COL5A1: variants seen among roughly 807,000 people sequenced by gnomAD.
The protein encoded by COL5A1 is collagen type V alpha 1 chain, also known as collagen alpha-1(V) chain.
Under a neutral mutation model 263.7 loss-of-function variants are expected in COL5A1, and 16 were observed. The ratio of observed to expected loss-of-function variants is 0.06; its 90% CI spans 0.04 to 0.09. The LOEUF is 0.09. Ranked by LOEUF, COL5A1 falls within the 10% of genes least tolerant of loss-of-function variation. The pLI is 1.00. For missense variants in COL5A1, 2,036 were observed against 2,540.5 expected, an observed-to-expected ratio of 0.80 and a Z score of 4.27; for synonymous variants, 1,012 against 1,004.5, an observed-to-expected ratio of 1.01 and a Z score of -0.14.
At chr9:134,828,099 TG>T (rs1839368264) in intron 63 of COL5A1, among the ~76,000 whole-genome samples, 1 of 152,148 alleles carries the variant, frequency 6.6e-6, no homozygotes, top group Non-Finnish European at 1.5e-5. Flanking sequence ...AGGCCGGCCC[TG>T]GGGGCCCTTC....
At chr9:134,645,292 G>T (rs1831440536) in intron 1 of COL5A1, among the ~76,000 whole-genome samples, 1 of 152,208 alleles carries the variant, frequency 6.6e-6, no homozygotes, top group Non-Finnish European at 1.5e-5. Context: ...AGCTGGTGCT[G>T]CCCGTCCCGC....
Position 134,747,913 on chromosome 9 carries a change from GCACACATGCATTCATA to G in COL5A1, c.1495-2608_1495-2593del, listed in dbSNP as rs1160754046. Among the ~76,000 whole-genome samples, 404 of 103,824 alleles carry G rather than the reference GCACACATGCATTCATA, an allele frequency of 3.9e-3. 7 individuals carry two copies. Among genetic ancestry groups the G allele is most frequent in the Middle Eastern group, 0.018 (2 of 112 alleles). The allele number at this position is 103,824 out of a possible 152,430, so 68.1% of individuals were successfully genotyped here. On this transcript the variant is annotated intron_variant, in intron 11 of 65. Coordinates refer to ENST00000371817, the MANE Select transcript of COL5A1 (RefSeq NM_000093.5). ...CATTCATACACACATGCAGACACAT[GCACACATGCATTCATA>G]CACACATGCATTCATACACATGCAG...
rs1835342645 is a variant in COL5A1 at position 134,742,629 on chromosome 9, A to G, written c.1494+3821A>G. Among the ~76,000 whole-genome samples the G allele has an allele frequency of 6.6e-6, 1 of 152,226 alleles. No individual in the cohort carries two copies. Among genetic ancestry groups the G allele is most frequent in the South Asian group, 2.1e-4 (1 of 4,834 alleles). On this transcript the variant is annotated intron_variant, in intron 11 of 65. Transcript: ENST00000371817. The surrounding 1 kb of genome is among the most constrained non-coding windows in gnomAD (Gnocchi z 4.6). ...AGCTGGGAGTCCCCAAGTGAGCTGC[A>G]GGCCAGGTGGCCGTTACTCAGCCCC...
At position 134,677,590 on chromosome 9, in the gene COL5A1, C is replaced by A. The variant is rs1832716227; in HGVS notation, c.110-13322C>A. 6.6e-6 allele frequency among the ~76,000 whole-genome samples: 1 copy of A among 152,170 alleles called. No individual in the cohort carries two copies. The highest frequency in any genetic ancestry group is 2.1e-4 in the South Asian group (1 of 4,830). ...ATCTTCGGGGTGATGACATTCCTTC[C>A]CCCATCACTCCTTGGCACAGCCACC... On this transcript the variant is annotated intron_variant, in intron 1 of 65. Coordinates refer to ENST00000371817, the MANE Select transcript of COL5A1 (RefSeq NM_000093.5). This position sits in a 1 kb window ranked among gnomAD's most constrained non-coding sequence, Gnocchi z 4.4.
chr9:134,718,015 C>T (rs555072092), intron 4 of COL5A1, among the ~76,000 whole-genome samples: 7 of 152,168 alleles, frequency 4.6e-5, no homozygotes, highest in South Asian at 2.1e-4. Context: ...GCTGGGGGGC[C>T]GCGGCCACGG....
intron 4 of COL5A1, among the ~76,000 whole-genome samples, chr9:134,702,777 C>G (rs1049592162): frequency 6.6e-6 from 1 of 152,124 alleles, no homozygotes; most frequent in African/African-American, 2.4e-5. Flanking sequence ...TGGGCTCTGT[C>G]GATTGTTGGA....
At position 134,841,659 on chromosome 9, in the gene COL5A1, G is replaced by A. The variant is rs1244945215; in HGVS notation, c.5371-498G>A. ...GGCAGTGTGTGGCAGGTGGTCGTAG[G>A]GGGGTCTTACTTGGCTCAAGGCTCT... On this transcript the variant is annotated intron_variant, in intron 65 of 65. Coordinates refer to ENST00000371817, the MANE Select transcript of COL5A1 (RefSeq NM_000093.5). This position sits in a 1 kb window ranked among gnomAD's most constrained non-coding sequence, Gnocchi z 4.8. Among the ~76,000 whole-genome samples, 1 of 152,100 alleles carries A rather than the reference G, an allele frequency of 6.6e-6. No individual in the cohort carries two copies. The highest frequency in any genetic ancestry group is 6.5e-5 in the Admixed American group (1 of 15,274).
At chr9:134,819,185 G>A in intron 57 of COL5A1, 132 bp downstream of exon 57, 1 of 980,410 alleles carries the variant, frequency 1.0e-6, no homozygotes, top group Non-Finnish European at 1.6e-6. Context: ...TGGTGGTGGG[G>A]AACCTGAGGG....
rs772393150 is a variant in COL5A1, at chr9:134,782,599, G to A, written c.2431-68G>A. On this transcript the variant is annotated intron_variant, in intron 28 of 65. Transcript: ENST00000371817. ...GGTGCTGAGTGTGGTTGTTTGGAGCGGGGAAGGGACCGCCAGGGAGGCGGG... is the reference window on the plus strand; with the variant it reads ...GGTGCTGAGTGTGGTTGTTTGGAGCAGGGAAGGGACCGCCAGGGAGGCGGG... 1.5e-5 allele frequency: 22 copies of A among 1,444,806 alleles called. No homozygotes were observed. In the Admixed American group the frequency reaches 1.7e-4, roughly 11 times the overall value. The allele number at this position is 1,444,806 out of a possible 1,614,324, so 89.5% of individuals were successfully genotyped here.
chr9:134,742,867 T>C lies in COL5A1; in HGVS notation c.1494+4059T>C, dbSNP rs559802912. ...AGCAGTGTTTGCCCAGCGAAGCCCT[T>C]CCCTGGGCTCCTCGGGCAGGTGGGG... is the stretch of plus-strand genomic sequence containing the variant. On this transcript the variant is annotated intron_variant, in intron 11 of 65. Transcript: ENST00000371817. The surrounding 1 kb of genome is among the most constrained non-coding windows in gnomAD (Gnocchi z 4.6). Among the ~76,000 whole-genome samples the C allele has an allele frequency of 5.9e-5, 9 of 152,302 alleles. No individual in the cohort carries two copies. The South Asian group carries it at 1.9e-3, about 32-fold the overall frequency.
At chr9:134,748,398 C>T (rs1323888696) in intron 11 of COL5A1, among the ~76,000 whole-genome samples, 3 of 152,182 alleles carry the variant, frequency 2.0e-5, no homozygotes, top group Non-Finnish European at 2.9e-5. Context: ...CACACATACA[C>T]TTACATCCAC....
At chr9:134,831,183 C>T (rs1386319407) in intron 64 of COL5A1, among the ~76,000 whole-genome samples, 1 of 152,230 alleles carries the variant, frequency 6.6e-6, no homozygotes, top group Non-Finnish European at 1.5e-5. Context: ...GAGCACTGGC[C>T]CTGAGCCGCC....
At chr9:134,759,846 AC>A (rs1200528992) in intron 18 of COL5A1, among the ~76,000 whole-genome samples, 1 of 44,096 alleles carries the variant, frequency 2.3e-5, no homozygotes, top group African/African-American at 1.5e-4. Flanking sequence ...ACTCACGCAC[AC>A]CCCCACACCC....
At chr9:134,825,944 C>T (rs779059159) in intron 63 of COL5A1, 40 bp downstream of exon 63, 15 of 1,373,390 alleles carry the variant, frequency 1.1e-5, no homozygotes, top group East Asian at 6.9e-5. Flanking sequence ...GCGGGGCAGG[C>T]GTCACAGACA....
Position 134,641,924 on chromosome 9 carries a change from A to T in COL5A1, c.-264A>T. ...GAGAAGGAGTTGGAGGAGGAGGAGG[A>T]GGAGGCGAGGGCGAGCTAGCCCAGC... On this transcript the variant is annotated 5_prime_UTR_variant, in exon 1 of 66. Transcript: ENST00000371817. 1 of 383,880 alleles carries T rather than the reference A, an allele frequency of 2.6e-6. No individual in the cohort carries two copies. The highest frequency in any genetic ancestry group is 4.6e-6 in the Non-Finnish European group (1 of 216,982). 23.8% of individuals were successfully genotyped at this position (383,880 alleles called of 1,614,324 possible).
rs916840502 is a variant in COL5A1 at position 134,733,382 on chromosome 9, C to A, written c.1389+1255C>A. Among the ~76,000 whole-genome samples the A allele has an allele frequency of 5.9e-5, 9 of 152,196 alleles. 1 individual carries two copies. In the South Asian group the frequency reaches 1.4e-3, roughly 24 times the overall value. On this transcript the variant is annotated intron_variant, in intron 9 of 65. Transcript: ENST00000371817. ...GTCCAGGGCTTCACCCCTTCCTGGCCTATGGAAGCGTCTGGATGGCTCTTG... is the reference window on the plus strand; with the variant it reads ...GTCCAGGGCTTCACCCCTTCCTGGCATATGGAAGCGTCTGGATGGCTCTTG...
chr9:134,712,732 TTTCCTGCCCC>T (rs1834110679), intron 4 of COL5A1, among the ~76,000 whole-genome samples: 1 of 148,570 alleles, frequency 6.7e-6, no homozygotes, highest in Non-Finnish European at 1.5e-5. Context: ...TGCCCCCATC[TTTCCTGCCCC>T]TTTCTGGCCC....
intron 28 of COL5A1, among the ~76,000 whole-genome samples, chr9:134,781,507 C>T (rs912390921): frequency 5.3e-5 from 8 of 152,230 alleles, no homozygotes; most frequent in Non-Finnish European, 1.5e-5. Context: ...TTCATCCTTT[C>T]CAAGGTGGCT....
At position 134,822,942 on chromosome 9, in the gene COL5A1, G is replaced by A. The variant is rs756326034; in HGVS notation, c.4609-56G>A. The stretch of plus-strand genomic sequence containing the variant: ...CCAGGCTGGGCAGGACATGGAGCAC[G>A]GTGGGGCTGGAGCTGAGACCCGGCT... On this transcript the variant is annotated intron_variant, in intron 59 of 65. Transcript: ENST00000371817. The A allele has an allele frequency of 6.0e-5, 96 of 1,609,160 alleles. No homozygotes were observed. In the African/African-American group the frequency reaches 6.1e-4, roughly 10 times the overall value.
Sources: gnomAD v4.1 joint callset for allele counts (sites outside exome capture counted in the v4.1 genomes callset) on GRCh38, gnomAD v4.1.1 for gene constraint, Gnocchi (gnomAD v3.1) non-coding constraint, MANE v1.5 for transcripts, NCBI Gene and HGNC (gene_info 2026-07-23, HGNC 2026-07-21) for gene names.